LRP1B: variants seen among roughly 807,000 people sequenced by gnomAD.
The protein encoded by LRP1B is LDL receptor related protein 1B.
A neutral mutation model predicts 556.6 loss-of-function variants in LRP1B; 217 were observed. That is an observed-to-expected ratio of 0.39 (90% confidence interval 0.35 to 0.44). The LOEUF is 0.44. Among genes scored for constraint, LRP1B ranks in the 20% least tolerant of loss-of-function variants. The pLI, the probability that LRP1B is intolerant of heterozygous loss-of-function variation, is 1.00. For missense variants in LRP1B, 5,053 were observed against 5,620.8 expected, an observed-to-expected ratio of 0.90 and a Z score of 3.23; for synonymous variants, 2,047 against 1,865.8, an observed-to-expected ratio of 1.10 and a Z score of -2.50.
chr2:140,371,252 C>CAT lies in LRP1B; in HGVS notation c.10800_10801dup (p.Cys3601TyrfsTer12). 6.3e-7 allele frequency: 1 copy of CAT among 1,593,266 alleles called. No individual in the cohort carries two copies. Among genetic ancestry groups the CAT allele is most frequent in the Non-Finnish European group, 8.5e-7 (1 of 1,169,688 alleles). On this transcript the variant is annotated frameshift_variant, in exon 70 of 91. Coordinates refer to ENST00000389484, the MANE Select transcript of LRP1B (RefSeq NM_018557.3). LOFTEE classifies it high-confidence loss of function. The stretch of plus-strand genomic sequence containing the variant: ...TGCTGAAATACATCCATCACTGGCA[C>CAT]ATATATATTCACGTGATGAGCAAGT...
At chr2:141,518,650 T>A (rs1357035991) in intron 2 of LRP1B, among the ~76,000 whole-genome samples, 5 of 152,096 alleles carry the variant, frequency 3.3e-5, no homozygotes, top group African/African-American at 4.8e-5. Context: ...GGTGATAGAA[T>A]AAAAGAGGGA....
chr2:140,806,157 A>C (rs1190597049), intron 32 of LRP1B, among the ~76,000 whole-genome samples: 2 of 152,154 alleles, frequency 1.3e-5, no homozygotes, highest in Non-Finnish European at 2.9e-5. Flanking sequence ...ACCAGAACCC[A>C]ACCATCCTGG....
intron 80 of LRP1B, among the ~76,000 whole-genome samples, chr2:140,325,355 C>T (rs920846491): frequency 7.2e-5 from 11 of 151,946 alleles, no homozygotes; most frequent in African/African-American, 1.7e-4. Flanking sequence ...GTATATCCTT[C>T]GGTGGTAACA....
chr2:140,837,781 C>T (rs192464124), intron 31 of LRP1B, among the ~76,000 whole-genome samples: 24 of 141,472 alleles, frequency 1.7e-4, no homozygotes, highest in African/African-American at 5.5e-4. Flanking sequence ...CACACACCAC[C>T]GGGGACTGTT....
chr2:141,204,176 A>G (rs1682166314), intron 6 of LRP1B, among the ~76,000 whole-genome samples: 1 of 152,214 alleles, frequency 6.6e-6, no homozygotes, highest in South Asian at 2.1e-4. Context: ...GTCAAAATTA[A>G]TTACATAATG....
chr2:141,213,389 A>G (rs1361715585), intron 6 of LRP1B, among the ~76,000 whole-genome samples: 3 of 152,216 alleles, frequency 2.0e-5, no homozygotes, highest in African/African-American at 7.2e-5. Context: ...AACCTATCCC[A>G]GCAGCTCGGG....
At chr2:140,662,478 C>T (rs530175674) in intron 41 of LRP1B, among the ~76,000 whole-genome samples, 3 of 152,152 alleles carry the variant, frequency 2.0e-5, no homozygotes, top group Admixed American at 6.5e-5. Context: ...ATTACACAAA[C>T]ACCAAACTGA....
intron 1 of LRP1B, among the ~76,000 whole-genome samples, chr2:141,901,047 G>A (rs1371203623): frequency 6.6e-6 from 1 of 151,950 alleles, no homozygotes; most frequent in East Asian, 1.9e-4. Flanking sequence ...AGTGAGCAAG[G>A]CAACCAATAC....
chr2:141,703,122 CAT>C (rs1339265113), intron 2 of LRP1B, among the ~76,000 whole-genome samples: 4 of 151,892 alleles, frequency 2.6e-5, no homozygotes, highest in Non-Finnish European at 4.4e-5. Context: ...CAAGTACAAT[CAT>C]ATATGATTTT....
At chr2:142,078,148 C>T (rs1705578490) in intron 1 of LRP1B, among the ~76,000 whole-genome samples, 1 of 152,114 alleles carries the variant, frequency 6.6e-6, no homozygotes, top group Non-Finnish European at 1.5e-5. Flanking sequence ...ACATCAGATT[C>T]ATTACAGTTT....
intron 2 of LRP1B, among the ~76,000 whole-genome samples, chr2:141,573,444 A>G (rs1407665303): frequency 2.0e-5 from 3 of 152,162 alleles, no homozygotes; most frequent in Non-Finnish European, 4.4e-5. Flanking sequence ...CAGCTAAAGC[A>G]GTGTTAGGAG....
At chr2:141,109,273 G>T (rs1325749804) in intron 7 of LRP1B, among the ~76,000 whole-genome samples, 1 of 152,100 alleles carries the variant, frequency 6.6e-6, no homozygotes, top group Non-Finnish European at 1.5e-5. Context: ...AGGCCAATTT[G>T]ATTAATAATA....
At chr2:141,698,234 T>C (rs916234264) in intron 2 of LRP1B, among the ~76,000 whole-genome samples, 2 of 151,834 alleles carry the variant, frequency 1.3e-5, no homozygotes, top group Non-Finnish European at 2.9e-5. Context: ...CTCTAGGTGC[T>C]GGAAAAACAG....
At chr2:140,996,397 A>G (rs1057228642) in intron 15 of LRP1B, among the ~76,000 whole-genome samples, 1 of 152,058 alleles carries the variant, frequency 6.6e-6, no homozygotes, top group African/African-American at 2.4e-5. Flanking sequence ...TCCAGATAAG[A>G]CAGCAGCTTA....
chr2:140,388,353 CACA>C (rs1683858608), intron 66 of LRP1B, among the ~76,000 whole-genome samples: 1 of 152,118 alleles, frequency 6.6e-6, no homozygotes, highest in African/African-American at 2.4e-5. Context: ...TGACTCTCAG[CACA>C]ACAATTCTCC....
At chr2:141,151,364 G>C (rs560587187) in intron 7 of LRP1B, among the ~76,000 whole-genome samples, 3 of 152,040 alleles carry the variant, frequency 2.0e-5, no homozygotes, top group Non-Finnish European at 2.9e-5. Context: ...AGCCATGCAG[G>C]CATATCTAAT....
intron 7 of LRP1B, among the ~76,000 whole-genome samples, chr2:141,114,859 GA>G (rs1286383410): frequency 6.7e-6 from 1 of 148,246 alleles, no homozygotes; most frequent in African/African-American, 2.5e-5. Context: ...TACATGTCAT[GA>G]AAACAGGCAT....
At chr2:141,152,590 C>A (rs1172705607) in intron 7 of LRP1B, among the ~76,000 whole-genome samples, 1 of 151,776 alleles carries the variant, frequency 6.6e-6, no homozygotes, top group Non-Finnish European at 1.5e-5. Context: ...CTGGCTCAGA[C>A]AGGAAATATA....
At chr2:141,352,955 G>T (rs1341450999) in intron 3 of LRP1B, among the ~76,000 whole-genome samples, 2 of 151,852 alleles carry the variant, frequency 1.3e-5, no homozygotes, top group African/African-American at 4.8e-5. Flanking sequence ...CATAGTTTTA[G>T]CTATCTTCAA....
Sources: gnomAD v4.1 joint callset for allele counts (sites outside exome capture counted in the v4.1 genomes callset) on GRCh38, gnomAD v4.1.1 for gene constraint, MANE v1.5 for transcripts, NCBI Gene and HGNC (gene_info 2026-07-23, HGNC 2026-07-21) for gene names.